CTNNA2: variants seen among roughly 807,000 people sequenced by gnomAD.
CTNNA2 encodes the protein catenin alpha-2.
CTNNA2 carries 42 observed loss-of-function variants against 101.0 expected under a neutral mutation model. The observed-to-expected ratio is 0.42, with a 90% CI of 0.32 to 0.54. The LOEUF is 0.54. Among genes scored for constraint, CTNNA2 ranks in the 20% least tolerant of loss-of-function variants. The pLI, the probability that CTNNA2 is intolerant of heterozygous loss-of-function variation, is 0.14. For missense variants in CTNNA2, 871 were observed against 1,223.1 expected, an observed-to-expected ratio of 0.71 and a Z score of 4.29; for synonymous variants, 450 against 456.4, an observed-to-expected ratio of 0.99 and a Z score of 0.18.
chr2:80,045,709 A>G (rs1249570323), intron 7 of CTNNA2, among the ~76,000 whole-genome samples: 3 of 152,180 alleles, frequency 2.0e-5, no homozygotes, highest in Admixed American at 2.0e-4. Context: ...GCTTTATAAT[A>G]GCAGCATAAG....
chr2:79,408,297 TTA>T, intron 4 of CTNNA2, among the ~76,000 whole-genome samples: 1 of 98,756 alleles, frequency 1.0e-5, no homozygotes, highest in South Asian at 6.5e-4. Context: ...AAATTTATTA[TTA>T]TTATTATTAT....
intron 3 of CTNNA2, among the ~76,000 whole-genome samples, chr2:79,768,443 A>G (rs79808632): frequency 0.12 from 17,419 of 151,396 alleles, 1,146 homozygotes; most frequent in Admixed American, 0.17. Flanking sequence ...TGTTTTCTCT[A>G]TATAGATAGT....
intron 2 of CTNNA2, among the ~76,000 whole-genome samples, chr2:79,236,287 C>T (rs1252851990): frequency 1.3e-5 from 2 of 152,292 alleles, no homozygotes; most frequent in Middle Eastern, 3.4e-3. Flanking sequence ...GCATGTGCCA[C>T]CATGTTTGAC....
chr2:79,411,908 A>G (rs1466181277), intron 4 of CTNNA2, among the ~76,000 whole-genome samples: 4 of 152,138 alleles, frequency 2.6e-5, no homozygotes, highest in African/African-American at 9.7e-5. Context: ...TTATCTTTAA[A>G]TATAAATGGA....
chr2:79,377,171 T>C (rs1283144661), intron 4 of CTNNA2, among the ~76,000 whole-genome samples: 2 of 152,136 alleles, frequency 1.3e-5, no homozygotes, highest in Non-Finnish European at 2.9e-5. Context: ...TTTTAATGAT[T>C]GCCATTCTAA....
intron 2 of CTNNA2, among the ~76,000 whole-genome samples, chr2:79,693,193 G>C (rs1684432177): frequency 1.3e-5 from 2 of 151,896 alleles, no homozygotes; most frequent in Non-Finnish European, 2.9e-5. Flanking sequence ...AAAATGTGTG[G>C]GAAGAAGTAC....
At chr2:79,817,369 T>C (rs1406574651) in intron 3 of CTNNA2, among the ~76,000 whole-genome samples, 2 of 131,582 alleles carry the variant, frequency 1.5e-5, no homozygotes, top group African/African-American at 5.6e-5. Flanking sequence ...AATCAGTGAC[T>C]AAATGTGGTC....
intron 7 of CTNNA2, among the ~76,000 whole-genome samples, chr2:80,351,023 A>G (rs1345428723): frequency 6.6e-6 from 1 of 152,190 alleles, no homozygotes; most frequent in Non-Finnish European, 1.5e-5. Context: ...AGTGAGTTTG[A>G]TCATTATTCT....
At chr2:79,904,300 A>C (rs1685268402) in intron 6 of CTNNA2, among the ~76,000 whole-genome samples, 1 of 152,158 alleles carries the variant, frequency 6.6e-6, no homozygotes, top group Admixed American at 6.5e-5. Flanking sequence ...ATTATTTAAT[A>C]TGTGCTCTTA....
rs544347924 is a variant in CTNNA2, at chr2:80,073,508, G to A, written c.1056+163711G>A. Among the ~76,000 whole-genome samples the A allele has an allele frequency of 3.3e-5, 5 of 152,248 alleles. No individual in the cohort carries two copies. In the South Asian group the frequency reaches 8.3e-4, roughly 25 times the overall value. On this transcript the variant is annotated intron_variant, in intron 7 of 18. Transcript: ENST00000402739. ...TGTTATCTGTGGCTACAGGTGTTGGGCACAGATTTGTGAAGTGTGCAAAGC... is the reference window on the plus strand; with the variant it reads ...TGTTATCTGTGGCTACAGGTGTTGGACACAGATTTGTGAAGTGTGCAAAGC...
intron 2 of CTNNA2, chr2:79,687,828 C>A (rs994454457): frequency 2.6e-5 from 11 of 426,760 alleles, no homozygotes; most frequent in South Asian, 2.0e-4. Context: ...GGGTTTCTGG[C>A]AAGCCCTGAT....
intron 4 of CTNNA2, among the ~76,000 whole-genome samples, chr2:79,466,239 C>A (rs1397551660): frequency 6.6e-6 from 1 of 152,232 alleles, no homozygotes; most frequent in East Asian, 1.9e-4. Context: ...ATATCCTGCA[C>A]CTGGCTTGGA....
chr2:79,903,798 T>C (rs1342261430), intron 6 of CTNNA2, among the ~76,000 whole-genome samples: 1 of 152,148 alleles, frequency 6.6e-6, no homozygotes, highest in Non-Finnish European at 1.5e-5. Flanking sequence ...AAGCTGGTCA[T>C]TGGAGGAGTC....
At chr2:79,742,509 T>C (rs148778164) in intron 2 of CTNNA2, among the ~76,000 whole-genome samples, 2 of 152,316 alleles carry the variant, frequency 1.3e-5, no homozygotes, top group East Asian at 3.9e-4. Flanking sequence ...ACTTATGTGC[T>C]TGTTTCCAGG....
At chr2:80,261,068 G>C (rs1672569992) in intron 7 of CTNNA2, among the ~76,000 whole-genome samples, 1 of 152,130 alleles carries the variant, frequency 6.6e-6, no homozygotes, top group Non-Finnish European at 1.5e-5. Flanking sequence ...AACATTTCCA[G>C]TGCTTGCATT....
In CTNNA2 at chr2:80,209,686, A is replaced by T. The variant is rs370513535; in HGVS notation, c.1057-183525A>T. Among the ~76,000 whole-genome samples the T allele has an allele frequency of 3.9e-5, 6 of 152,054 alleles. No individual in the cohort carries two copies. The East Asian group carries it at 7.7e-4, about 20-fold the overall frequency. On this transcript the variant is annotated intron_variant, in intron 7 of 18. Transcript: ENST00000402739. ...ATCATCAAATTGCCTGAAGTGTACC[A>T]TCATAATATTTCACATCTGTGCTTG...
At chr2:79,250,104 C>T (rs1225015711) in intron 2 of CTNNA2, among the ~76,000 whole-genome samples, 1 of 152,166 alleles carries the variant, frequency 6.6e-6, no homozygotes. Context: ...CTGCCTAGTA[C>T]TGCCACACAC....
At position 79,930,258 on chromosome 2, in the gene CTNNA2, GAA is replaced by G. The variant is rs1309665978; in HGVS notation, c.1056+20463_1056+20464del. 8.2e-4 allele frequency among the ~76,000 whole-genome samples: 16 copies of G among 19,496 alleles called. No individual in the cohort carries two copies. The Admixed American group carries it at 0.016, about 19-fold the overall frequency. 12.8% of individuals were successfully genotyped at this position (19,496 alleles called of 152,430 possible). On this transcript the variant is annotated intron_variant, in intron 7 of 18. Transcript: ENST00000402739. ...ACTCTGTCTCAAAGAAAGAAAGAAA[GAA>G]AGAAAGAAAGAAAGAAAGAGAGAGA...
intron 1 of CTNNA2, among the ~76,000 whole-genome samples, chr2:79,637,805 G>GA (rs750673377): frequency 6.6e-6 from 1 of 152,052 alleles, no homozygotes; most frequent in African/African-American, 2.4e-5. Context: ...TTTTATCTTG[G>GA]AAAAAAACAG....
Sources: gnomAD v4.1 joint callset for allele counts (sites outside exome capture counted in the v4.1 genomes callset) on GRCh38, gnomAD v4.1.1 for gene constraint, MANE v1.5 for transcripts, NCBI Gene and HGNC (gene_info 2026-07-23, HGNC 2026-07-21) for gene names.